Variants in XYLT1 observed in about 807,000 individuals in gnomAD.
XYLT1 encodes the protein xylosyltransferase 1.
In XYLT1, 36 loss-of-function variants were observed where a neutral mutation model predicts 91.3. The ratio of observed to expected loss-of-function variants is 0.39; its 90% CI spans 0.30 to 0.52. XYLT1 has a LOEUF of 0.52. Ranked by LOEUF, XYLT1 falls within the 20% of genes least tolerant of loss-of-function variation. The pLI is 0.68. For missense variants in XYLT1, 1,242 were observed against 1,284.5 expected (o/e 0.97, Z 0.51); for synonymous variants, 588 against 532.0 (o/e 1.11, Z -1.45).
rs539966119 is a variant in XYLT1, at chr16:17,439,426, G to A, written c.363+31008C>T. Among the ~76,000 whole-genome samples the A allele has an allele frequency of 4.0e-4, 61 of 152,244 alleles. 1 individual carries two copies. The highest frequency in any genetic ancestry group is 1.3e-3 in the African/African-American group (56 of 41,530). On this transcript the variant is annotated intron_variant, in intron 1 of 11. Coordinates refer to ENST00000261381, the MANE Select transcript of XYLT1 (RefSeq NM_022166.4). Reference sequence around the variant, plus strand: ...TTCTTGTTGGATAGTGGAAAAGAGCGGCTCCCTAAATTACAGTCATCCTTC... The same window carrying A: ...TTCTTGTTGGATAGTGGAAAAGAGCAGCTCCCTAAATTACAGTCATCCTTC...
intron 3 of XYLT1, among the ~76,000 whole-genome samples, chr16:17,242,902 T>C (rs1009907314): frequency 3.3e-5 from 5 of 152,238 alleles, no homozygotes; most frequent in Admixed American, 3.3e-4. Context: ...TCACTTAGCG[T>C]GAAGTCCCCC....
At chr16:17,257,886 G>A (rs2033660785) in intron 3 of XYLT1, among the ~76,000 whole-genome samples, 1 of 152,178 alleles carries the variant, frequency 6.6e-6, no homozygotes, top group African/African-American at 2.4e-5. Context: ...GCCCCCTGTG[G>A]CTGCTGTCAT....
intron 6 of XYLT1, among the ~76,000 whole-genome samples, chr16:17,145,254 C>A (rs73531328): frequency 6.6e-6 from 1 of 152,212 alleles, no homozygotes; most frequent in Non-Finnish European, 1.5e-5. Flanking sequence ...CTGGGAACCA[C>A]ATTTTGCTTT....
chr16:17,446,925 G>C (rs537795510), intron 1 of XYLT1, among the ~76,000 whole-genome samples: 1 of 152,004 alleles, frequency 6.6e-6, no homozygotes, highest in Admixed American at 6.5e-5. Context: ...ACCCAGGGGA[G>C]CCCAAGAGGG....
Position 17,108,682 on chromosome 16 carries a change from C to A in XYLT1, c.*13G>T, listed in dbSNP as rs773153732. The A allele has an allele frequency of 2.6e-6, 4 of 1,550,974 alleles. No individual in the cohort carries two copies. The highest frequency in any genetic ancestry group is 2.6e-6 in the Non-Finnish European group (3 of 1,149,414). On this transcript the variant is annotated 3_prime_UTR_variant, in exon 12 of 12. Transcript: ENST00000261381. The stretch of plus-strand genomic sequence containing the variant: ...GTTGAGATCCTGCTGTGGCCCACTC[C>A]TCGTGCCCAGTGCTACCTGAGCCGG...
rs193011077 is a variant in XYLT1 at position 17,194,864 on chromosome 16, G to A, written c.1289+3348C>T. ...GAAACAAGTGTCTGCCACACTAGCT[G>A]CTATGCTCAGCATTTTGGGACATTT... On this transcript the variant is annotated intron_variant, in intron 5 of 11. Transcript: ENST00000261381. 8.3e-4 allele frequency among the ~76,000 whole-genome samples: 127 copies of A among 152,330 alleles called. 1 individual carries two copies. The highest frequency in any genetic ancestry group is 5.4e-3 in the South Asian group (26 of 4,832).
chr16:17,142,587 C>G (rs972947757), intron 6 of XYLT1, among the ~76,000 whole-genome samples: 1 of 138,202 alleles, frequency 7.2e-6, no homozygotes, highest in Non-Finnish European at 1.5e-5. Context: ...GCACACACCA[C>G]CTCACCCAGC....
At chr16:17,267,054 T>TA (rs1241079022) in intron 2 of XYLT1, among the ~76,000 whole-genome samples, 4 of 152,102 alleles carry the variant, frequency 2.6e-5, no homozygotes, top group African/African-American at 9.7e-5. Flanking sequence ...GAACCCTAAG[T>TA]AAAAAGCCCT....
chr16:17,221,013 A>C (rs1315789584), intron 3 of XYLT1, among the ~76,000 whole-genome samples: 2 of 152,238 alleles, frequency 1.3e-5, no homozygotes, highest in East Asian at 3.8e-4. Flanking sequence ...CAATAAATGC[A>C]GAATGAGTGA....
At chr16:17,357,093 C>T (rs1156635288) in intron 2 of XYLT1, among the ~76,000 whole-genome samples, 3 of 138,620 alleles carry the variant, frequency 2.2e-5, no homozygotes, top group East Asian at 2.3e-4. Flanking sequence ...AGAAGAATGG[C>T]GTGAACCCGG....
At chr16:17,294,412 A>AGTGC in intron 2 of XYLT1, among the ~76,000 whole-genome samples, 1 of 152,312 alleles carries the variant, frequency 6.6e-6, no homozygotes, top group South Asian at 2.1e-4. Context: ...AAATAAGCAG[A>AGTGC]GTGCGCATAA....
intron 1 of XYLT1, among the ~76,000 whole-genome samples, chr16:17,390,908 C>T: frequency 6.6e-6 from 1 of 152,004 alleles, no homozygotes; most frequent in East Asian, 1.9e-4. Context: ...CATGGTGGTG[C>T]GTGACTGTAA....
chr16:17,135,301 C>A (rs1306888335), intron 8 of XYLT1, among the ~76,000 whole-genome samples: 3 of 152,142 alleles, frequency 2.0e-5, no homozygotes, highest in African/African-American at 7.2e-5. Context: ...CCACCATGCC[C>A]TATTGCCTCT....
chr16:17,301,810 C>A (rs2034400237), intron 2 of XYLT1, among the ~76,000 whole-genome samples: 3 of 152,306 alleles, frequency 2.0e-5, no homozygotes, highest in Admixed American at 2.0e-4. Context: ...AGGTCAGCAT[C>A]TGAGCTGGAA....
intron 11 of XYLT1, among the ~76,000 whole-genome samples, chr16:17,109,373 G>A (rs144929206): frequency 1.7e-3 from 260 of 152,222 alleles, no homozygotes; most frequent in African/African-American, 6.1e-3. Flanking sequence ...GATCTGCAAG[G>A]CACTGTCTCA....
chr16:17,103,960 G>C lies in XYLT1; in HGVS notation c.*4735C>G, dbSNP rs1966741125. On this transcript the variant is annotated 3_prime_UTR_variant, in exon 12 of 12. Transcript: ENST00000261381. ...AACTTCTAAGAGAGCCAGAGAGGAA[G>C]AGAGAGAGGAGAGAGAGAATTTGCA... 2 of 152,828 alleles carry C rather than the reference G, an allele frequency of 1.3e-5. No individual in the cohort carries two copies. The highest frequency in any genetic ancestry group is 2.9e-5 in the Non-Finnish European group (2 of 68,256). 9.5% of individuals were successfully genotyped at this position (152,828 alleles called of 1,614,324 possible).
At chr16:17,464,181 A>G (rs1192921118) in intron 1 of XYLT1, among the ~76,000 whole-genome samples, 2 of 151,864 alleles carry the variant, frequency 1.3e-5, no homozygotes, top group Non-Finnish European at 2.9e-5. Context: ...ACAATAATCT[A>G]TTGTATATTT....
intron 1 of XYLT1, among the ~76,000 whole-genome samples, chr16:17,379,793 A>AC (rs1555501169): frequency 7.0e-6 from 1 of 142,330 alleles, no homozygotes; most frequent in Admixed American, 7.0e-5. Context: ...ACACACACAC[A>AC]CCCCTTACCT....
At chr16:17,300,452 C>CTTTGTTT (rs1327084226) in intron 2 of XYLT1, among the ~76,000 whole-genome samples, 1 of 64,842 alleles carries the variant, frequency 1.5e-5, no homozygotes, top group South Asian at 7.3e-4. Context: ...TTCATTCTTT[C>CTTTGTTT]TTTTTTTTTT....
Sources: allele counts gnomAD v4.1 joint callset (sites outside exome capture counted in the v4.1 genomes callset), GRCh38; gene constraint gnomAD v4.1.1; transcripts MANE v1.5; gene names NCBI Gene and HGNC (gene_info 2026-07-23, HGNC 2026-07-21).